The following GLI2 variants were observed in gnomAD, a reference collection of about 807,000 sequenced individuals.
GLI2 encodes GLI family zinc finger 2.
A neutral mutation model predicts 78.9 loss-of-function variants in GLI2; 22 were observed. The ratio of observed to expected loss-of-function variants is 0.28; its 90% CI spans 0.20 to 0.40. The LOEUF (loss-of-function observed/expected upper bound fraction) is 0.40. GLI2 is among the 10% of genes least tolerant of loss of function. GLI2 has a pLI of 1.00. For synonymous variants in GLI2, 974 were observed against 963.7 expected, an observed-to-expected ratio of 1.01 and a Z score of -0.20; for missense variants, 2,097 against 2,213.2, an observed-to-expected ratio of 0.95 and a Z score of 1.05.
chr2:120,966,245 C>T (rs1681850149), intron 5 of GLI2, among the ~76,000 whole-genome samples: 1 of 152,222 alleles, frequency 6.6e-6, no homozygotes, highest in African/African-American at 2.4e-5. Context: ...TGGGTCACAG[C>T]AACCCCAGAG....
chr2:120,754,177 C>A (rs1682970373), intron 1 of GLI2, among the ~76,000 whole-genome samples: 1 of 152,078 alleles, frequency 6.6e-6, no homozygotes, highest in Non-Finnish European at 1.5e-5. Context: ...AAATCACTTT[C>A]CATAGAAGTT....
rs577213537 is a variant in GLI2, at chr2:120,915,580, T to G, written c.149-11781T>G. On this transcript the variant is annotated intron_variant, in intron 2 of 13. Coordinates refer to ENST00000361492, the MANE Select transcript of GLI2 (RefSeq NM_001374353.1). Reference sequence around the variant, plus strand: ...CCCTGGGGAAGGAGGTTTTCCATGATTCGTGCTCTTTTGGTGCTTCCTACC... The same window carrying G: ...CCCTGGGGAAGGAGGTTTTCCATGAGTCGTGCTCTTTTGGTGCTTCCTACC... 1.6e-4 allele frequency among the ~76,000 whole-genome samples: 25 copies of G among 152,312 alleles called. No individual in the cohort carries two copies. The South Asian group carries it at 3.9e-3, about 24-fold the overall frequency.
chr2:120,851,819 A>G (rs1356403198), intron 2 of GLI2, among the ~76,000 whole-genome samples: 5 of 152,370 alleles, frequency 3.3e-5, no homozygotes, highest in South Asian at 2.1e-4. Context: ...GAGAGGTGCT[A>G]TGAAGAAAAT....
intron 5 of GLI2, among the ~76,000 whole-genome samples, chr2:120,964,859 GAC>G (rs1480385686): frequency 6.6e-6 from 1 of 152,270 alleles, no homozygotes; most frequent in Admixed American, 6.5e-5. Flanking sequence ...GGACAGAGAA[GAC>G]ACAGAGTCAT....
intron 1 of GLI2, among the ~76,000 whole-genome samples, chr2:120,750,892 G>C (rs757525906): frequency 7.2e-5 from 11 of 152,246 alleles, no homozygotes; most frequent in South Asian, 2.1e-4. Context: ...CCTTCATGCT[G>C]CTGGAGGCTG....
intron 3 of GLI2, among the ~76,000 whole-genome samples, chr2:120,937,201 C>G (rs545401367): frequency 1.3e-5 from 2 of 152,286 alleles, no homozygotes; most frequent in East Asian, 3.9e-4. Flanking sequence ...CAGCCTCATG[C>G]CAGGCACTGG....
intron 5 of GLI2, among the ~76,000 whole-genome samples, chr2:120,965,622 C>T (rs906047462): frequency 8.7e-5 from 13 of 149,706 alleles, no homozygotes; most frequent in African/African-American, 3.2e-4. Context: ...AGGGCACACT[C>T]CAGCCGGGAT....
chr2:120,746,409 C>G (rs754981621), intron 1 of GLI2, among the ~76,000 whole-genome samples: 13 of 152,326 alleles, frequency 8.5e-5, no homozygotes, highest in Non-Finnish European at 1.5e-4. Context: ...GCCCAGCCAC[C>G]TGCCCAGCCA....
At chr2:120,829,450 C>A (rs1686250960) in intron 2 of GLI2, among the ~76,000 whole-genome samples, 1 of 152,152 alleles carries the variant, frequency 6.6e-6, no homozygotes, top group Admixed American at 6.5e-5. Context: ...TGAGCCCCAG[C>A]CCAGCCACTT....
intron 2 of GLI2, among the ~76,000 whole-genome samples, chr2:120,807,381 C>G (rs1357782809): frequency 1.3e-5 from 2 of 152,140 alleles, no homozygotes; most frequent in Admixed American, 1.3e-4. Flanking sequence ...TAGAGGGTCC[C>G]TGGCACACAG....
At chr2:120,914,066 G>C (rs955808950) in intron 2 of GLI2, among the ~76,000 whole-genome samples, 1 of 152,248 alleles carries the variant, frequency 6.6e-6, no homozygotes, top group Non-Finnish European at 1.5e-5. Flanking sequence ...ACACCTTCAC[G>C]ACCCGTGGGG....
intron 2 of GLI2, among the ~76,000 whole-genome samples, chr2:120,856,711 G>T (rs1475018839): frequency 1.3e-5 from 2 of 152,080 alleles, no homozygotes; most frequent in Non-Finnish European, 2.9e-5. Flanking sequence ...CCTGACCACT[G>T]CCCTCCCATG....
At position 120,953,303 on chromosome 2, in the gene GLI2, G is replaced by C. The variant is rs146029389; in HGVS notation, c.457+1858G>C. Among the ~76,000 whole-genome samples the C allele has an allele frequency of 1.0e-3, 156 of 152,276 alleles. 3 individuals carry two copies. The East Asian group carries it at 0.027, about 27-fold the overall frequency. On this transcript the variant is annotated intron_variant, in intron 4 of 13. Transcript: ENST00000361492. Reference sequence around the variant, plus strand: ...CTATGTGAAGTCAGAGGCACAGATGGGAGTAATATGGCCACAAGCAGGAAG... The same window carrying C: ...CTATGTGAAGTCAGAGGCACAGATGCGAGTAATATGGCCACAAGCAGGAAG...
intron 2 of GLI2, among the ~76,000 whole-genome samples, chr2:120,798,091 T>C (rs1573391008): frequency 6.6e-6 from 1 of 152,050 alleles, no homozygotes; most frequent in South Asian, 2.1e-4. Flanking sequence ...GTCTGCACAG[T>C]CCATCTGGAG....
At chr2:120,903,693 A>G (rs1046089976) in intron 2 of GLI2, among the ~76,000 whole-genome samples, 3 of 152,118 alleles carry the variant, frequency 2.0e-5, no homozygotes, top group African/African-American at 7.2e-5. Flanking sequence ...GTCTCTGTCC[A>G]CTTGAGATGC....
chr2:120,931,018 T>G (rs1048358071), intron 3 of GLI2, among the ~76,000 whole-genome samples: 4 of 152,242 alleles, frequency 2.6e-5, no homozygotes, highest in Admixed American at 2.6e-4. Context: ...GCCTTGTCCC[T>G]CATGGCCTAC....
rs1232903310 is a variant in GLI2 at position 120,984,615 on chromosome 2, C to T, written c.1777C>T (p.Leu593Phe). 1.2e-6 allele frequency: 2 copies of T among 1,614,114 alleles called. No homozygotes were observed. The highest frequency in any genetic ancestry group is 2.7e-5 in the African/African-American group (2 of 74,940). The change falls in exon 12 of 14, where the codon CTC (leucine) becomes TTC (phenylalanine). Residue 593 changes from leucine (L) to phenylalanine (F), a missense_variant. Physicochemically the swap from Leu to Phe is conservative, Grantham distance 22. Transcript: ENST00000361492. ...TGACGTGCACCTCCGCACACCGCTG[C>T]TCAAAGAGAATGGGGACAGTGAGGC... ...RNDVHLRTPLLKENGDSEAGT... is the reference protein window; with the variant it reads ...RNDVHLRTPLFKENGDSEAGT...
chr2:120,823,128 A>G (rs530433811), intron 2 of GLI2, among the ~76,000 whole-genome samples: 3 of 152,270 alleles, frequency 2.0e-5, no homozygotes, highest in African/African-American at 7.2e-5. Flanking sequence ...TGTGTTTGAC[A>G]TGCAGCGGCC....
At chr2:120,845,355 T>C (rs559013128) in intron 2 of GLI2, among the ~76,000 whole-genome samples, 1 of 152,200 alleles carries the variant, frequency 6.6e-6, no homozygotes, top group African/African-American at 2.4e-5. Flanking sequence ...CGATGACATG[T>C]CTTGTGGTTG....
Sources: allele counts gnomAD v4.1 joint callset (sites outside exome capture counted in the v4.1 genomes callset), GRCh38; gene constraint gnomAD v4.1.1; transcripts MANE v1.5; gene names NCBI Gene and HGNC (gene_info 2026-07-23, HGNC 2026-07-21).